Variants in AKR1A1 observed in about 807,000 individuals in gnomAD.
The protein encoded by AKR1A1 is HEL-S-165mP.
AKR1A1 carries 26 observed loss-of-function variants against 39.2 expected under a neutral mutation model. The observed-to-expected ratio is 0.66, with a 90% confidence interval of 0.49 to 0.92. The LOEUF is 0.92. Ranked by LOEUF, AKR1A1 falls within the 40% of genes least tolerant of loss-of-function variation. The pLI is 0.00. For missense variants in AKR1A1, 378 were observed against 406.5 expected (o/e 0.93, Z 0.60); for synonymous variants, 141 against 155.5 (o/e 0.91, Z 0.69).
At chr1:45,566,201 TG>T (rs1644341939) in intron 2 of AKR1A1, among the ~76,000 whole-genome samples, 1 of 152,072 alleles carries the variant, frequency 6.6e-6, no homozygotes, top group Admixed American at 6.5e-5. Context: ...CTCTGCCTCC[TG>T]GGTTCAAGTG....
At chr1:45,557,140 A>C (rs1644215985) in intron 1 of AKR1A1, among the ~76,000 whole-genome samples, 1 of 152,116 alleles carries the variant, frequency 6.6e-6, no homozygotes, top group Middle Eastern at 3.2e-3. Flanking sequence ...CAGTGAGCCA[A>C]GATCGCGCCA....
chr1:45,566,537 T>A (rs763206349), intron 2 of AKR1A1, 32 bp from the exon 3 acceptor site: 8 of 1,612,782 alleles, frequency 5.0e-6, no homozygotes, highest in Non-Finnish European at 1.7e-6. Flanking sequence ...GAAACCAACA[T>A]AGCTGAAACC....
intron 1 of AKR1A1, among the ~76,000 whole-genome samples, chr1:45,555,753 A>G (rs1428252391): frequency 6.6e-6 from 1 of 152,168 alleles, no homozygotes; most frequent in Admixed American, 6.6e-5. Context: ...CTTTAGATAT[A>G]GTATCTCTTG....
intron 1 of AKR1A1, among the ~76,000 whole-genome samples, chr1:45,553,825 C>T (rs1199152506): frequency 6.6e-6 from 1 of 151,212 alleles, no homozygotes; most frequent in Non-Finnish European, 1.5e-5. Context: ...AACCCTGTCT[C>T]TACTAAAAAA....
chr1:45,559,634 CTTTTTTTTTTTT>C (rs71056306), intron 1 of AKR1A1, among the ~76,000 whole-genome samples: 1 of 73,128 alleles, frequency 1.4e-5, no homozygotes, highest in African/African-American at 5.7e-5. Flanking sequence ...CTTTTCTTTT[CTTTTTTTTTTTT>C]TTTTTTTTTT....
Position 45,568,937 on chromosome 1 carries a change from C to T in AKR1A1, c.763C>T (p.Gln255Ter). ...PAQILLRWQV[Q>*]RKVICIPKSI... is the part of the protein sequence containing the mutation. ...AATCCCCCAACTTAGGTGGCAGGTC[C>T]AGCGGAAAGTGATCTGCATCCCCAA... Residue 255 changes from glutamine to a stop codon, truncating the protein, a stop_gained, in exon 7 of 9, where the codon CAG becomes TAG. Coordinates refer to ENST00000351829, the MANE Select transcript of AKR1A1 (RefSeq NM_153326.3). LOFTEE classifies it high-confidence loss of function. The T allele has an allele frequency of 2.5e-6, 4 of 1,614,176 alleles. No individual in the cohort carries two copies. The highest frequency in any genetic ancestry group is 3.4e-6 in the Non-Finnish European group (4 of 1,180,024).
intron 1 of AKR1A1, among the ~76,000 whole-genome samples, chr1:45,558,211 C>T (rs527498858): frequency 6.6e-6 from 1 of 151,418 alleles, no homozygotes; most frequent in East Asian, 2.0e-4. Flanking sequence ...CCACTGTACC[C>T]AGCCTCAACT....
In AKR1A1 at chr1:45,566,993, A is replaced by G; in HGVS notation, c.329A>G (p.Tyr110Cys). 1 of 1,614,202 alleles carries G rather than the reference A, an allele frequency of 6.2e-7. No homozygotes were observed. The highest frequency in any genetic ancestry group is 8.5e-7 in the Non-Finnish European group (1 of 1,180,032). The change falls in exon 4 of 9, where the codon TAC (tyrosine) becomes TGC (cysteine). Residue 110 changes from tyrosine (Y) to cysteine (C), a missense_variant. Physicochemically the swap from Tyr to Cys is radical, Grantham distance 194. Coordinates refer to ENST00000351829, the MANE Select transcript of AKR1A1 (RefSeq NM_153326.3). ...ADLQLEYLDL[Y>C]LMHWPYAFER... is the part of the protein sequence containing the mutation. ...CTCCAGCTGGAGTATCTGGACCTGT[A>G]CCTGATGCACTGGCCTTATGCCTTT...
Position 45,569,140 on chromosome 1 carries a change from C to G in AKR1A1, c.826-3C>G, listed in dbSNP as rs1342596587. ...TTTCTTGAACCCCACTCTCCATCCT[C>G]AGGTGTTTGACTTCACCTTTAGCCC... On this transcript the variant is annotated splice_polypyrimidine_tract_variant and splice_region_variant and intron_variant, in intron 7 of 8. Transcript: ENST00000351829. The G allele has an allele frequency of 2.4e-5, 38 of 1,613,684 alleles. No homozygotes were observed. The highest frequency in any genetic ancestry group is 3.0e-5 in the Non-Finnish European group (35 of 1,179,654).
At chr1:45,564,707 C>T (rs1644317103) in intron 2 of AKR1A1, among the ~76,000 whole-genome samples, 1 of 151,938 alleles carries the variant, frequency 6.6e-6, no homozygotes, top group East Asian at 1.9e-4. Context: ...CTCCTTAGAA[C>T]CTGGAACTTG....
intron 1 of AKR1A1, among the ~76,000 whole-genome samples, chr1:45,561,080 G>T (rs1368139625): frequency 6.6e-6 from 1 of 152,206 alleles, no homozygotes; most frequent in Non-Finnish European, 1.5e-5. Flanking sequence ...CATTCTCAGA[G>T]AAGTGGCCCC....
chr1:45,562,006 A>G, intron 2 of AKR1A1, 128 bp downstream of exon 2: 1 of 902,102 alleles, frequency 1.1e-6, no homozygotes, highest in Admixed American at 2.4e-5. Context: ...GACACCAATT[A>G]TACATCCTGG....
At chr1:45,553,394 C>G (rs1644159211) in intron 1 of AKR1A1, among the ~76,000 whole-genome samples, 1 of 150,172 alleles carries the variant, frequency 6.7e-6, no homozygotes, top group African/African-American at 2.5e-5. Flanking sequence ...TGTACTCCAG[C>G]CTGGCGACAG....
intron 8 of AKR1A1, 51 bp downstream of exon 8, chr1:45,569,280 G>A (rs1570920724): frequency 2.0e-6 from 3 of 1,499,198 alleles, no homozygotes; most frequent in East Asian, 2.3e-5. Flanking sequence ...TTTGGGGTGG[G>A]ATTCTGGCCC....
At chr1:45,566,053 G>C (rs775354089) in intron 2 of AKR1A1, among the ~76,000 whole-genome samples, 3 of 152,102 alleles carry the variant, frequency 2.0e-5, no homozygotes, top group Non-Finnish European at 4.4e-5. Context: ...AAAGGGTTTG[G>C]AGCCTCTGAA....
chr1:45,568,403 G>A, intron 5 of AKR1A1, 82 bp from the exon 6 acceptor site: 7 of 1,461,010 alleles, frequency 4.8e-6, no homozygotes, highest in Non-Finnish European at 6.7e-6. Context: ...GCAATAGGGG[G>A]TGGTCCAGAC....
At chr1:45,551,865 G>T (rs779019451) in intron 1 of AKR1A1, among the ~76,000 whole-genome samples, 8 of 152,088 alleles carry the variant, frequency 5.3e-5, no homozygotes, top group Non-Finnish European at 7.3e-5. Flanking sequence ...ACAGGTAAAG[G>T]AAGAAGGTGA....
intron 2 of AKR1A1, among the ~76,000 whole-genome samples, chr1:45,563,415 G>GA (rs919030258): frequency 4.0e-4 from 60 of 151,542 alleles, no homozygotes; most frequent in African/African-American, 1.4e-3. Context: ...AAAAATTAAG[G>GA]AAAAAAAGTT....
chr1:45,562,932 C>T (rs984790859), intron 2 of AKR1A1, among the ~76,000 whole-genome samples: 1 of 151,730 alleles, frequency 6.6e-6, no homozygotes, highest in Non-Finnish European at 1.5e-5. Flanking sequence ...CCAGACTGGG[C>T]AACACAGTGA....
Sources: allele counts gnomAD v4.1 joint callset (sites outside exome capture counted in the v4.1 genomes callset), GRCh38; gene constraint gnomAD v4.1.1; transcripts MANE v1.5; gene names NCBI Gene and HGNC (gene_info 2026-07-23, HGNC 2026-07-21).